NAV2: variants seen among roughly 807,000 people sequenced by gnomAD.
The protein encoded by NAV2 is helicase, APC down-regulated 1.
NAV2 carries 54 observed loss-of-function variants against 223.2 expected under a neutral mutation model. The observed-to-expected ratio is 0.24, with a 90% CI of 0.19 to 0.30. NAV2 has a LOEUF of 0.30. Among genes scored for constraint, NAV2 ranks in the 10% least tolerant of loss-of-function variants. The probability of loss-of-function intolerance (pLI) is 1.00; values close to 1 mark genes in which losing one functional copy is unlikely to be tolerated. For missense variants in NAV2, 2,806 were observed against 3,147.5 expected (o/e 0.89, Z 2.60); for synonymous variants, 1,279 against 1,239.3 (o/e 1.03, Z -0.67).
chr11:20,021,463 T>G (rs2054502915), intron 11 of NAV2, among the ~76,000 whole-genome samples: 1 of 152,184 alleles, frequency 6.6e-6, no homozygotes, highest in Admixed American at 6.6e-5. Context: ...CCCATGTGCC[T>G]GTGTGTCTCC....
chr11:19,761,641 C>A (rs1300821662), intron 1 of NAV2, among the ~76,000 whole-genome samples: 1 of 152,178 alleles, frequency 6.6e-6, no homozygotes, highest in Non-Finnish European at 1.5e-5. Flanking sequence ...AGCTTTACAC[C>A]CAGCTACTGT....
At chr11:19,397,157 T>C (rs1849483329) in intron 1 of NAV2, among the ~76,000 whole-genome samples, 1 of 152,176 alleles carries the variant, frequency 6.6e-6, no homozygotes, top group Non-Finnish European at 1.5e-5. Context: ...TCTTAGCTGC[T>C]TAGAGGTCCC....
chr11:19,738,997 A>G (rs1265898188), intron 1 of NAV2, among the ~76,000 whole-genome samples: 1 of 150,372 alleles, frequency 6.7e-6, no homozygotes, highest in African/African-American at 2.5e-5. Context: ...CCTGGGCAAC[A>G]TGGTGAAACG....
At chr11:19,866,447 CAAAG>C (rs943722324) in intron 3 of NAV2, among the ~76,000 whole-genome samples, 7 of 152,110 alleles carry the variant, frequency 4.6e-5, no homozygotes, top group African/African-American at 1.7e-4. Flanking sequence ...AAAAAGTTAA[CAAAG>C]AAGAAGTATT....
At chr11:20,107,623 T>C in intron 35 of NAV2, 41 bp from the exon 36 acceptor site, 1 of 1,485,628 alleles carries the variant, frequency 6.7e-7, no homozygotes, top group Non-Finnish European at 9.4e-7. Flanking sequence ...CCATCACCCA[T>C]GCCCATTTGA....
chr11:20,103,590 G>T lies in NAV2; in HGVS notation c.6573-63G>T. The T allele has an allele frequency of 1.9e-6, 3 of 1,581,548 alleles. No homozygotes were observed. In the South Asian group the frequency reaches 3.3e-5, roughly 18 times the overall value. On this transcript the variant is annotated intron_variant, in intron 33 of 37. Coordinates refer to ENST00000349880, the MANE Select transcript of NAV2 (RefSeq NM_145117.5). Reference sequence around the variant, plus strand: ...GAAGCACAGGGCCATGGGCCTCTGTGACCACCTTGTTCTCTAGCTTGGCTT... The same window carrying T: ...GAAGCACAGGGCCATGGGCCTCTGTTACCACCTTGTTCTCTAGCTTGGCTT...
intron 1 of NAV2, among the ~76,000 whole-genome samples, chr11:19,690,191 A>G (rs1483489497): frequency 6.6e-6 from 1 of 152,034 alleles, no homozygotes; most frequent in African/African-American, 2.4e-5. Flanking sequence ...AGAACTCCTG[A>G]CCTTAGGTGA....
At chr11:20,089,382 C>T (rs1346249064) in intron 26 of NAV2, among the ~76,000 whole-genome samples, 1 of 152,176 alleles carries the variant, frequency 6.6e-6, no homozygotes, top group African/African-American at 2.4e-5. Flanking sequence ...CTTTCTGCCC[C>T]CGAAATACAA....
intron 5 of NAV2, among the ~76,000 whole-genome samples, chr11:19,885,936 C>T (rs554859705): frequency 6.6e-6 from 1 of 152,294 alleles, no homozygotes; most frequent in African/African-American, 2.4e-5. Context: ...GTCTTGCTCA[C>T]TCTGTTACCC....
chr11:19,544,909 C>T (rs1186430813), intron 1 of NAV2, among the ~76,000 whole-genome samples: 1 of 152,192 alleles, frequency 6.6e-6, no homozygotes, highest in African/African-American at 2.4e-5. Flanking sequence ...ACCTGCCTCA[C>T]CAAAATGTTG....
At chr11:19,587,150 G>T (rs966521322) in intron 1 of NAV2, among the ~76,000 whole-genome samples, 1 of 152,174 alleles carries the variant, frequency 6.6e-6, no homozygotes, top group Non-Finnish European at 1.5e-5. Flanking sequence ...AATGAGCAAG[G>T]CTCTGTGGGC....
Position 19,573,678 on chromosome 11 carries a change from T to C in NAV2, c.75+222651T>C, listed in dbSNP as rs887002042. On this transcript the variant is annotated intron_variant, in intron 1 of 37. Coordinates refer to the NAV2 transcript ENST00000360655. ...AGAAACTTATCTGGTCACCAGCTTA[T>C]AGGTAGGTGGTAGAGCCTGAGGACT... is the stretch of plus-strand genomic sequence containing the variant. Among the ~76,000 whole-genome samples, 6 of 152,306 alleles carry C rather than the reference T, an allele frequency of 3.9e-5. No individual in the cohort carries two copies. In the East Asian group the frequency reaches 9.6e-4, roughly 24 times the overall value.
chr11:19,396,992 A>C (rs1175369797), intron 1 of NAV2, among the ~76,000 whole-genome samples: 2 of 152,096 alleles, frequency 1.3e-5, no homozygotes, highest in Non-Finnish European at 2.9e-5. Context: ...GTGAGGGTGT[A>C]ATGAATGTAT....
chr11:19,904,639 C>G (rs1438898884), intron 6 of NAV2, among the ~76,000 whole-genome samples: 1 of 152,058 alleles, frequency 6.6e-6, no homozygotes, highest in Non-Finnish European at 1.5e-5. Context: ...AGATCTATAT[C>G]CTGAACTAGC....
intron 1 of NAV2, among the ~76,000 whole-genome samples, chr11:19,757,237 G>A (rs1030737265): frequency 1.3e-5 from 2 of 152,172 alleles, no homozygotes; most frequent in Non-Finnish European, 2.9e-5. Flanking sequence ...CCTTTGTGGT[G>A]TTGCCAAACC....
chr11:19,350,914 A>G (rs1262825568), exon 1 of NAV2: 2 of 1,543,600 alleles, frequency 1.3e-6, no homozygotes, highest in Non-Finnish European at 1.8e-6. Context: ...TGGATTTGGA[A>G]GCATCGCTGA....
intron 2 of NAV2, among the ~76,000 whole-genome samples, chr11:19,835,536 G>C (rs895015268): frequency 3.9e-5 from 6 of 152,094 alleles, no homozygotes; most frequent in East Asian, 3.9e-4. Flanking sequence ...CTTGGTGAGA[G>C]GGGGGAGAAG....
intron 2 of NAV2, 45 bp from the exon 3 acceptor site, chr11:19,842,826 G>A: frequency 6.3e-7 from 1 of 1,595,590 alleles, no homozygotes; most frequent in Non-Finnish European, 8.6e-7. Flanking sequence ...TACTGAAAGT[G>A]TCTCTCTGGT....
In NAV2 at chr11:19,713,530, C is replaced by A; in HGVS notation, c.-166C>A. 1 of 1,399,596 alleles carries A rather than the reference C, an allele frequency of 7.1e-7. No individual in the cohort carries two copies. The allele number at this position is 1,399,596 out of a possible 1,614,324, so 86.7% of individuals were successfully genotyped here. A position where few individuals can be genotyped will look rare whatever the true frequency, so the allele number is the denominator to read the frequency against. The stretch of plus-strand genomic sequence containing the variant: ...CCGGCACCCCAAAGGCGCGCTCGCC[C>A]GATTGCTTCGAGTTCCCCGACCTGG... On this transcript the variant is annotated 5_prime_UTR_variant, in exon 1 of 38. Coordinates refer to ENST00000349880, the MANE Select transcript of NAV2 (RefSeq NM_145117.5). The surrounding 1 kb of genome is among the most constrained non-coding windows in gnomAD (Gnocchi z 7.2).
Sources: gnomAD v4.1 joint callset for allele counts (sites outside exome capture counted in the v4.1 genomes callset) on GRCh38, gnomAD v4.1.1 for gene constraint, Gnocchi (gnomAD v3.1) non-coding constraint, MANE v1.5 for transcripts, NCBI Gene and HGNC (gene_info 2026-07-23, HGNC 2026-07-21) for gene names.